The following GPM6A variants were observed in gnomAD, a reference collection of about 807,000 sequenced individuals.
GPM6A encodes the protein neuronal membrane glycoprotein M6-a.
Under a neutral mutation model 32.1 loss-of-function variants are expected in GPM6A, and 7 were observed. That is an observed-to-expected ratio of 0.22 (90% CI 0.12 to 0.41). The LOEUF (loss-of-function observed/expected upper bound fraction) is 0.41. Among genes scored for constraint, GPM6A ranks in the 10% least tolerant of loss-of-function variants. The pLI is 1.00. For synonymous variants in GPM6A, 130 were observed against 123.4 expected (o/e 1.05, Z -0.35); for missense variants, 235 against 347.2 (o/e 0.68, Z 2.57).
At chr4:175,697,403 T>C (rs1247553667) in intron 2 of GPM6A, among the ~76,000 whole-genome samples, 1 of 152,050 alleles carries the variant, frequency 6.6e-6, no homozygotes, top group East Asian at 1.9e-4. Context: ...TCACAATTTT[T>C]CTGATGAAAA....
At chr4:175,688,045 T>C (rs1744087874) in intron 2 of GPM6A, among the ~76,000 whole-genome samples, 1 of 152,218 alleles carries the variant, frequency 6.6e-6, no homozygotes, top group Non-Finnish European at 1.5e-5. Flanking sequence ...ATTTTTGTTT[T>C]TGTTTTTTTG....
intron 1 of GPM6A, among the ~76,000 whole-genome samples, chr4:175,948,561 ATT>A (rs1259454269): frequency 1.3e-5 from 2 of 152,214 alleles, no homozygotes; most frequent in African/African-American, 4.8e-5. Flanking sequence ...CCTCCTTTAC[ATT>A]GTTTGACTTT....
chr4:175,682,396 A>AG (rs2111010368), intron 2 of GPM6A, among the ~76,000 whole-genome samples: 1 of 152,270 alleles, frequency 6.6e-6, no homozygotes, highest in South Asian at 2.1e-4. Context: ...GGAAAAAAAA[A>AG]GTTTTCTGGA....
intron 1 of GPM6A, among the ~76,000 whole-genome samples, chr4:175,982,905 G>C (rs1440444978): frequency 6.6e-6 from 1 of 151,818 alleles, no homozygotes; most frequent in Non-Finnish European, 1.5e-5. Flanking sequence ...TTCTTTCATG[G>C]CTATTTTGTA....
intron 2 of GPM6A, among the ~76,000 whole-genome samples, chr4:175,690,742 G>A (rs537573681): frequency 3.9e-5 from 6 of 152,300 alleles, no homozygotes; most frequent in Admixed American, 3.9e-4. Context: ...TAATCCAGGA[G>A]GATCTGCTCA....
chr4:175,990,296 A>G (rs2126458687), intron 1 of GPM6A, among the ~76,000 whole-genome samples: 1 of 152,314 alleles, frequency 6.6e-6, no homozygotes, highest in Non-Finnish European at 1.5e-5. Flanking sequence ...GTCACAAACC[A>G]TCCAGCTGCT....
chr4:175,920,830 G>T (rs1738642008), intron 1 of GPM6A, among the ~76,000 whole-genome samples: 1 of 142,726 alleles, frequency 7.0e-6, no homozygotes, highest in African/African-American at 2.8e-5. Flanking sequence ...AACAGAGCGA[G>T]AATCTGTCTC....
At chr4:175,939,507 A>G (rs929893880) in intron 1 of GPM6A, among the ~76,000 whole-genome samples, 26 of 152,226 alleles carry the variant, frequency 1.7e-4, no homozygotes, top group African/African-American at 5.8e-4. Context: ...CTAAATAAAA[A>G]TCCAATAAAT....
At chr4:175,787,669 A>C in intron 1 of GPM6A, 1 of 1,115,788 alleles carries the variant, frequency 9.0e-7, no homozygotes, top group Non-Finnish European at 1.1e-6. Context: ...GACAAATTTA[A>C]TATATGCAAG....
intron 1 of GPM6A, among the ~76,000 whole-genome samples, chr4:175,970,192 A>C (rs1384648978): frequency 6.6e-6 from 1 of 152,148 alleles, no homozygotes; most frequent in Non-Finnish European, 1.5e-5. Flanking sequence ...CTCAATAAAC[A>C]AGTTTGTTTT....
rs1455388053 is a variant in GPM6A, at chr4:175,917,385, A to AG, written c.-23+84923dup. Among the ~76,000 whole-genome samples, 8 of 152,294 alleles carry AG rather than the reference A, an allele frequency of 5.3e-5. No individual in the cohort carries two copies. In the East Asian group the frequency reaches 1.5e-3, roughly 29 times the overall value. ...TGCCTGCATTGAAGGACCCTGCTAC[A>AG]GATGCTGCTGCTGATTTAATGTTGC... On this transcript the variant is annotated intron_variant, in intron 1 of 7. Coordinates refer to the GPM6A transcript ENST00000280187.
intron 1 of GPM6A, among the ~76,000 whole-genome samples, chr4:175,716,956 C>T (rs1745872338): frequency 3.3e-5 from 5 of 152,322 alleles, no homozygotes; most frequent in Admixed American, 2.6e-4. Flanking sequence ...TCTCACACAA[C>T]ATCAATTCAG....
chr4:175,847,607 G>T (rs887090971), intron 1 of GPM6A, among the ~76,000 whole-genome samples: 2 of 152,038 alleles, frequency 1.3e-5, no homozygotes, highest in Non-Finnish European at 2.9e-5. Flanking sequence ...AAGCACAATA[G>T]TAGTGATGCT....
At chr4:175,689,860 G>A (rs1475854692) in intron 2 of GPM6A, among the ~76,000 whole-genome samples, 1 of 152,208 alleles carries the variant, frequency 6.6e-6, no homozygotes, top group Non-Finnish European at 1.5e-5. Flanking sequence ...TGCTTAGAAT[G>A]AGGTGAGACA....
intron 1 of GPM6A, among the ~76,000 whole-genome samples, chr4:175,802,738 T>C (rs746893273): frequency 1.8e-4 from 28 of 152,106 alleles, no homozygotes; most frequent in Non-Finnish European, 3.4e-4. Context: ...TTGTTAAATT[T>C]TAACAGCGTA....
intron 1 of GPM6A, among the ~76,000 whole-genome samples, chr4:175,993,085 G>C (rs13105861): frequency 0.15 from 22,861 of 151,544 alleles, 1,863 homozygotes; most frequent in East Asian, 0.24. Flanking sequence ...AAAAATCTTT[G>C]CTTGACCTTG....
chr4:175,693,170 A>G (rs1744389386), intron 2 of GPM6A, among the ~76,000 whole-genome samples: 4 of 151,916 alleles, frequency 2.6e-5, no homozygotes. Context: ...AAAGATGAGC[A>G]CAGTGAGTGG....
chr4:175,838,842 A>T lies in GPM6A; in HGVS notation c.-22-26593T>A, dbSNP rs191249466. On this transcript the variant is annotated intron_variant, in intron 1 of 7. Coordinates refer to the GPM6A transcript ENST00000280187. Reference sequence around the variant, plus strand: ...CTAATTTTTTATATTTTCAGTAAAGATGGGGTTTCACCATGTTGGCCAGGC... The same window carrying T: ...CTAATTTTTTATATTTTCAGTAAAGTTGGGGTTTCACCATGTTGGCCAGGC... 2.6e-4 allele frequency among the ~76,000 whole-genome samples: 40 copies of T among 151,880 alleles called. 1 individual carries two copies. The highest frequency in any genetic ancestry group is 2.6e-3 in the Admixed American group (39 of 15,240).
chr4:175,754,872 T>A (rs1237835958), intron 1 of GPM6A, among the ~76,000 whole-genome samples: 2 of 152,066 alleles, frequency 1.3e-5, no homozygotes, highest in African/African-American at 4.8e-5. Flanking sequence ...CAAAGTGAAA[T>A]ATTCATTGAT....
Sources: gnomAD v4.1 joint callset for allele counts (sites outside exome capture counted in the v4.1 genomes callset) on GRCh38, gnomAD v4.1.1 for gene constraint, MANE v1.5 for transcripts, NCBI Gene and HGNC (gene_info 2026-07-23, HGNC 2026-07-21) for gene names.